TNR: variants seen among roughly 807,000 people sequenced by gnomAD.
TNR encodes tenascin R.
In TNR, 45 loss-of-function variants were observed where a neutral mutation model predicts 150.4. That is an observed-to-expected ratio of 0.30 (90% confidence interval 0.24 to 0.38). TNR has a LOEUF of 0.38. Ranked by LOEUF, TNR falls within the 10% of genes least tolerant of loss-of-function variation. TNR has a pLI of 1.00. For missense variants in TNR, 1,544 were observed against 1,759.1 expected (o/e 0.88, Z 2.19); for synonymous variants, 687 against 678.4 (o/e 1.01, Z -0.20).
At chr1:175,350,535 A>G (rs2102001932) in intron 18 of TNR, among the ~76,000 whole-genome samples, 1 of 152,342 alleles carries the variant, frequency 6.6e-6, no homozygotes, top group South Asian at 2.1e-4. Flanking sequence ...TAATGTATCC[A>G]TATTTTTTCT....
chr1:175,372,979 T>TAACGGCCGCG (rs1652174389), intron 9 of TNR, among the ~76,000 whole-genome samples: 2 of 152,214 alleles, frequency 1.3e-5, no homozygotes, highest in South Asian at 4.1e-4. Flanking sequence ...ATGTTATTAT[T>TAACGGCCGCG]GTTAGTTTTC....
At chr1:175,498,307 A>G (rs1658575489) in intron 2 of TNR, among the ~76,000 whole-genome samples, 1 of 152,206 alleles carries the variant, frequency 6.6e-6, no homozygotes, top group Admixed American at 6.5e-5. Context: ...CTGATGGGAT[A>G]TGAGCCTGAG....
At position 175,318,734 on chromosome 1, in the gene TNR, A is replaced by G. The variant is rs1481050194; in HGVS notation, c.*4623T>C. 1 of 152,058 alleles carries G rather than the reference A, an allele frequency of 6.6e-6. No individual in the cohort carries two copies. Among genetic ancestry groups the G allele is most frequent in the Non-Finnish European group, 1.5e-5 (1 of 68,004 alleles). The allele number at this position is 152,058 out of a possible 1,614,324, so 9.4% of individuals were successfully genotyped here. A position where few individuals can be genotyped will look rare whatever the true frequency, so the allele number is the denominator to read the frequency against. On this transcript the variant is annotated 3_prime_UTR_variant, in exon 23 of 23. Transcript: ENST00000367674. Reference sequence around the variant, plus strand: ...TAACTCAGCTTTCTTTAGAGGATAGACCCTCTCTGTCATGGTAACCTGGAT... The same window carrying G: ...TAACTCAGCTTTCTTTAGAGGATAGGCCCTCTCTGTCATGGTAACCTGGAT...
rs181489124 is a variant in TNR at position 175,519,398 on chromosome 1, C to T, written c.-64+8871G>A. On this transcript the variant is annotated intron_variant, in intron 2 of 22. Coordinates refer to ENST00000367674, the MANE Select transcript of TNR (RefSeq NM_003285.3). ...ATTTCCTTCCAAGAGCACTTAGCAT[C>T]TGGACAAAGTTAGCATTCAGCAGGT... Among the ~76,000 whole-genome samples the T allele has an allele frequency of 2.1e-3, 317 of 152,332 alleles. 1 individual carries two copies. Among genetic ancestry groups the T allele is most frequent in the African/African-American group, 7.3e-3 (302 of 41,584 alleles).
intron 1 of TNR, among the ~76,000 whole-genome samples, chr1:175,680,170 G>A (rs552742209): frequency 5.9e-5 from 9 of 152,320 alleles, no homozygotes; most frequent in African/African-American, 2.2e-4. Flanking sequence ...AAGAGATCGC[G>A]ATGTCTCTTG....
intron 8 of TNR, 33 bp downstream of exon 8, chr1:175,385,999 T>A: frequency 6.5e-7 from 1 of 1,532,592 alleles, no homozygotes; most frequent in Non-Finnish European, 8.8e-7. Context: ...CCTCTTTCCC[T>A]CCTTGTGCGT....
chr1:175,474,878 C>T (rs1456532388), intron 2 of TNR, among the ~76,000 whole-genome samples: 1 of 152,198 alleles, frequency 6.6e-6, no homozygotes, highest in Non-Finnish European at 1.5e-5. Flanking sequence ...GACACTGGAA[C>T]CTATGCTCTA....
intron 1 of TNR, among the ~76,000 whole-genome samples, chr1:175,716,957 T>C (rs1440885216): frequency 6.6e-6 from 1 of 152,196 alleles, no homozygotes; most frequent in Non-Finnish European, 1.5e-5. Flanking sequence ...TGAGCCCAAT[T>C]TACCCACTCT....
intron 1 of TNR, among the ~76,000 whole-genome samples, chr1:175,713,493 C>T (rs1338330562): frequency 1.3e-5 from 2 of 152,200 alleles, no homozygotes; most frequent in Admixed American, 1.3e-4. Flanking sequence ...GTAACAGCCT[C>T]CTGACTCCTC....
intron 2 of TNR, among the ~76,000 whole-genome samples, chr1:175,420,522 T>C (rs1654704100): frequency 6.6e-6 from 1 of 152,250 alleles, no homozygotes; most frequent in African/African-American, 2.4e-5. Flanking sequence ...TGTGGCTTCA[T>C]GCTGTAGCAG....
chr1:175,622,006 C>T (rs530173423), intron 1 of TNR, among the ~76,000 whole-genome samples: 8 of 152,308 alleles, frequency 5.3e-5, no homozygotes, highest in African/African-American at 1.9e-4. Context: ...GGGATAATAA[C>T]GTTATTCACT....
intron 1 of TNR, among the ~76,000 whole-genome samples, chr1:175,573,286 C>G (rs1018438667): frequency 1.3e-5 from 2 of 152,216 alleles, no homozygotes; most frequent in Non-Finnish European, 2.9e-5. Context: ...AGATTCTGCC[C>G]TTGCTAGGGT....
chr1:175,534,994 C>A (rs1660214540), intron 1 of TNR, among the ~76,000 whole-genome samples: 1 of 152,132 alleles, frequency 6.6e-6, no homozygotes, highest in Non-Finnish European at 1.5e-5. Context: ...TGTTTCCTTC[C>A]CCTTCCACCA....
intron 2 of TNR, among the ~76,000 whole-genome samples, chr1:175,515,826 A>G (rs768310712): frequency 9.2e-5 from 14 of 152,316 alleles, no homozygotes; most frequent in Non-Finnish European, 1.3e-4. Flanking sequence ...TGCTCTTTTT[A>G]AGGAAAGACT....
At chr1:175,465,379 T>C (rs531208011) in intron 2 of TNR, among the ~76,000 whole-genome samples, 1 of 152,346 alleles carries the variant, frequency 6.6e-6, no homozygotes, top group East Asian at 1.9e-4. Context: ...TATTATTTTG[T>C]GCCAGTTGAT....
intron 18 of TNR, among the ~76,000 whole-genome samples, chr1:175,341,571 G>A (rs1007487899): frequency 1.3e-5 from 2 of 152,236 alleles, no homozygotes; most frequent in Non-Finnish European, 2.9e-5. Context: ...ACGCAGTGCA[G>A]TCAGGGGACC....
chr1:175,707,395 G>A (rs776347398), intron 1 of TNR, among the ~76,000 whole-genome samples: 1 of 152,116 alleles, frequency 6.6e-6, no homozygotes, highest in South Asian at 2.1e-4. Context: ...ATTTATTTGA[G>A]TGCCTGTTTT....
chr1:175,663,615 A>T lies in TNR; in HGVS notation c.-165+79611T>A, dbSNP rs374380683. Among the ~76,000 whole-genome samples the T allele has an allele frequency of 1.4e-4, 21 of 152,190 alleles. 3 individuals carry two copies. Among genetic ancestry groups the T allele is most frequent in the Admixed American group, 7.9e-4 (12 of 15,284 alleles). On this transcript the variant is annotated intron_variant, in intron 1 of 22. Coordinates refer to ENST00000367674, the MANE Select transcript of TNR (RefSeq NM_003285.3). ...TACAGACAGGGAAAAGCCTAAATGG[A>T]TGATTATGATATAGTGACTAAAAGG...
chr1:175,607,620 C>A (rs182941038), intron 1 of TNR, among the ~76,000 whole-genome samples: 114 of 152,260 alleles, frequency 7.5e-4, no homozygotes, highest in African/African-American at 2.6e-3. Context: ...CTTTCTGCAC[C>A]AAACACAATA....
Sources: allele counts gnomAD v4.1 joint callset (sites outside exome capture counted in the v4.1 genomes callset), GRCh38; gene constraint gnomAD v4.1.1; transcripts MANE v1.5; gene names NCBI Gene and HGNC (gene_info 2026-07-23, HGNC 2026-07-21).